ZNF713: variants seen among roughly 807,000 people sequenced by gnomAD.
ZNF713 encodes zinc finger protein 713.
ZNF713 carries 21 observed loss-of-function variants against 28.7 expected under a neutral mutation model. That is an observed-to-expected ratio of 0.73 (90% confidence interval 0.52 to 1.05). The LOEUF is 1.05. Ranked by LOEUF, ZNF713 falls within the 50% of genes least tolerant of loss-of-function variation. The probability of loss-of-function intolerance (pLI) is 0.00; values close to 1 mark genes in which losing one functional copy is unlikely to be tolerated. For missense variants in ZNF713, 458 were observed against 532.4 expected (o/e 0.86, Z 1.37); for synonymous variants, 167 against 178.0 (o/e 0.94, Z 0.49).
chr7:55,890,399 G>A (rs1169114331), intron 1 of ZNF713, among the ~76,000 whole-genome samples: 1 of 148,606 alleles, frequency 6.7e-6, no homozygotes, highest in African/African-American at 2.5e-5. Flanking sequence ...TCAGTGAGCC[G>A]AGATCACGCC....
intron 6 of ZNF713, 126 bp from the exon 7 acceptor site, chr7:55,938,856 C>T (rs763940801): frequency 1.3e-5 from 12 of 935,514 alleles, no homozygotes; most frequent in Admixed American, 9.8e-5. Context: ...ACTTTCAATG[C>T]CGTGTATGCC....
chr7:55,896,438 T>A (rs1279894474), intron 1 of ZNF713, among the ~76,000 whole-genome samples: 1 of 152,048 alleles, frequency 6.6e-6, no homozygotes, highest in Admixed American at 6.6e-5. Context: ...TATGTCACAA[T>A]TGAACAAATA....
intron 1 of ZNF713, among the ~76,000 whole-genome samples, chr7:55,901,997 G>T (rs935838377): frequency 2.6e-5 from 4 of 152,256 alleles, no homozygotes; most frequent in East Asian, 3.9e-4. Flanking sequence ...TTCGAGACCG[G>T]CCAGTCAACA....
chr7:55,918,117 A>G (rs1260078485), intron 4 of ZNF713: 2 of 456,566 alleles, frequency 4.4e-6, no homozygotes, highest in Non-Finnish European at 8.8e-6. Flanking sequence ...GTGACTTTCA[A>G]GGCAGATCAT....
At position 55,912,705 on chromosome 7, in the gene ZNF713, A is replaced by G; in HGVS notation, c.69A>G (p.Ser23=). Residue 23 remains serine (S), a synonymous_variant, in exon 4 of 7, where the codon TCA becomes TCG. Coordinates refer to ENST00000429591, the MANE Select transcript of ZNF713 (RefSeq NM_182633.3). ...AGGAGGAAGAAATGAATGATGGCTC[A>G]CAGATGGTGAGATCTCAGGTAAGTT... ...NMEEEEMNDG[S]QMVRSQESLT... 1 of 1,613,560 alleles carries G rather than the reference A, an allele frequency of 6.2e-7. No individual in the cohort carries two copies. The highest frequency in any genetic ancestry group is 8.5e-7 in the Non-Finnish European group (1 of 1,179,780).
chr7:55,922,000 G>A (rs989501359), intron 4 of ZNF713, among the ~76,000 whole-genome samples: 2 of 152,018 alleles, frequency 1.3e-5, no homozygotes, highest in Admixed American at 6.6e-5. Context: ...GTCTTGGCTC[G>A]TTACAACCTC....
intron 1 of ZNF713, among the ~76,000 whole-genome samples, chr7:55,898,310 T>C (rs1157967814): frequency 6.6e-6 from 1 of 152,076 alleles, no homozygotes; most frequent in African/African-American, 2.4e-5. Context: ...TGGGAGAAAA[T>C]GTTTGCAAAC....
intron 3 of ZNF713, among the ~76,000 whole-genome samples, chr7:55,912,415 T>C (rs1785800529): frequency 6.6e-6 from 1 of 152,196 alleles, no homozygotes; most frequent in Non-Finnish European, 1.5e-5. Context: ...TGAGCTCCCC[T>C]ATGCCACAAC....
intron 6 of ZNF713, among the ~76,000 whole-genome samples, chr7:55,935,615 G>A (rs1010793062): frequency 2.0e-5 from 3 of 152,106 alleles, no homozygotes; most frequent in Non-Finnish European, 2.9e-5. Context: ...CATAGGAAAT[G>A]GCCTCATGAA....
chr7:55,915,059 T>C (rs906574166), intron 4 of ZNF713, among the ~76,000 whole-genome samples: 41 of 152,342 alleles, frequency 2.7e-4, no homozygotes, highest in African/African-American at 9.9e-4. Context: ...TTCACCATGT[T>C]GGCCAGGCTA....
intron 4 of ZNF713, chr7:55,918,194 G>A (rs944156254): frequency 1.1e-5 from 5 of 446,022 alleles, no homozygotes; most frequent in African/African-American, 1.0e-4. Context: ...ACCTTGTCAG[G>A]AGGAAACCCA....
rs1785945405 is a variant in ZNF713 at position 55,919,490 on chromosome 7, G to GTTTTTTTTGTTT, written c.88-3664_88-3663insGTTTTTTTTTTT. 2.8e-4 allele frequency among the ~76,000 whole-genome samples: 19 copies of GTTTTTTTTGTTT among 66,770 alleles called. 2 individuals carry two copies. Among genetic ancestry groups the GTTTTTTTTGTTT allele is most frequent in the African/African-American group, 8.9e-4 (18 of 20,190 alleles). 43.8% of individuals were successfully genotyped at this position (66,770 alleles called of 152,430 possible). On this transcript the variant is annotated intron_variant, in intron 4 of 6. Coordinates refer to ENST00000429591, the MANE Select transcript of ZNF713 (RefSeq NM_182633.3). Reference sequence around the variant, plus strand: ...GCTGGATAAATTGGTAAACACTCCAGTTTTTTTTTTTTTTTTTTTTTTTTT... The same window carrying GTTTTTTTTGTTT: ...GCTGGATAAATTGGTAAACACTCCAGTTTTTTTTGTTTTTTTTTTTTTTTTTTTTTTTTTTTT...
chr7:55,923,750 T>G (rs754348861), intron 6 of ZNF713, 51 bp downstream of exon 6: 2 of 1,437,684 alleles, frequency 1.4e-6, no homozygotes, highest in Non-Finnish European at 1.9e-6. Flanking sequence ...AACAGCCACT[T>G]CTGAACCACT....
intron 6 of ZNF713, among the ~76,000 whole-genome samples, chr7:55,926,202 C>T (rs4947531): frequency 0.044 from 6,644 of 152,068 alleles, 171 homozygotes; most frequent in South Asian, 0.063. Context: ...CCCAGCTACT[C>T]GGGAGGCGGA....
Position 55,912,679 on chromosome 7 carries a change from G to T in ZNF713, c.43G>T (p.Glu15Ter). The change falls in exon 4 of 7, where the codon GAG becomes TAG. Residue 15 changes from glutamate (E) to a stop codon, truncating the protein, a stop_gained. Transcript: ENST00000429591. LOFTEE classifies it high-confidence loss of function. ...TGTTTTTTCTCAGGAGGGGAACATG[G>T]AGGAGGAAGAAATGAATGATGGCTC... Reference protein sequence around the residue: ...NAVFSQEGNMEEEEMNDGSQM... With the variant: ...NAVFSQEGNM 1 of 1,613,618 alleles carries T rather than the reference G, an allele frequency of 6.2e-7. No homozygotes were observed. Among genetic ancestry groups the T allele is most frequent in the Non-Finnish European group, 8.5e-7 (1 of 1,179,854 alleles).
chr7:55,939,039 A>G lies in ZNF713; in HGVS notation c.365A>G (p.Glu122Gly), dbSNP rs1418723104. 3.7e-6 allele frequency: 6 copies of G among 1,607,028 alleles called. No individual in the cohort carries two copies. Among genetic ancestry groups the G allele is most frequent in the Non-Finnish European group, 5.1e-6 (6 of 1,177,256 alleles). The change falls in exon 7 of 7, where the codon GAA (glutamate) becomes GGA (glycine). Residue 122 changes from glutamate (E) to glycine (G), a missense_variant. Physicochemically the swap from Glu to Gly is moderately conservative, Grantham distance 98 (BLOSUM62 -2). Coordinates refer to ENST00000429591, the MANE Select transcript of ZNF713 (RefSeq NM_182633.3). ...KSTTSQNISD[E>G]NQTHEMIMER... ...ACCACAAGCCAGAATATTTCTGATG[A>G]AAATCAAACCCATGAGATGATAATG...
chr7:55,908,132 G>GTTT (rs1374001911), intron 2 of ZNF713, among the ~76,000 whole-genome samples: 3 of 110,976 alleles, frequency 2.7e-5, no homozygotes, highest in African/African-American at 3.6e-5. Flanking sequence ...AACATCCGTT[G>GTTT]TTGTTTTTTT....
Position 55,895,451 on chromosome 7 carries a change from CTTTTTTTTTTTTTTTTTTT to C in ZNF713, c.-583+7787_-583+7805del, listed in dbSNP as rs55972416. On this transcript the variant is annotated intron_variant, in intron 1 of 6. Coordinates refer to ENST00000429591, the MANE Select transcript of ZNF713 (RefSeq NM_182633.3). The stretch of plus-strand genomic sequence containing the variant: ...ATATGCTGTTATATTCTGTTATACT[CTTTTTTTTTTTTTTTTTTT>C]TTTTTTTTTTTTTTTGAGACAGAGT... Among the ~76,000 whole-genome samples, 163 of 82,400 alleles carry C rather than the reference CTTTTTTTTTTTTTTTTTTT, an allele frequency of 2.0e-3. 1 individual carries two copies. The highest frequency in any genetic ancestry group is 4.0e-3 in the African/African-American group (106 of 26,248). 54.1% of individuals were successfully genotyped at this position (82,400 alleles called of 152,430 possible).
intron 2 of ZNF713, among the ~76,000 whole-genome samples, chr7:55,908,969 G>A (rs1785735548): frequency 6.6e-6 from 1 of 151,922 alleles, no homozygotes; most frequent in Non-Finnish European, 1.5e-5. Flanking sequence ...AGCACTTTGG[G>A]AGGGTGAGGT....
Sources: gnomAD v4.1 joint callset for allele counts (sites outside exome capture counted in the v4.1 genomes callset) on GRCh38, gnomAD v4.1.1 for gene constraint, MANE v1.5 for transcripts, NCBI Gene and HGNC (gene_info 2026-07-23, HGNC 2026-07-21) for gene names.